The following NLRP1 variants were observed in gnomAD, a reference collection of about 807,000 sequenced individuals.
NLRP1 encodes the protein NLR family pyrin domain containing 1, also known as NACHT, LRR and PYD domains-containing protein 1.
A neutral mutation model predicts 136.7 loss-of-function variants in NLRP1; 94 were observed. That is an observed-to-expected ratio of 0.69 (90% CI 0.58 to 0.82). The LOEUF is 0.82. Among genes scored for constraint, NLRP1 ranks in the 40% least tolerant of loss-of-function variants. The probability of loss-of-function intolerance (pLI) is 0.00; values close to 1 mark genes in which losing one functional copy is unlikely to be tolerated. For synonymous variants in NLRP1, 690 were observed against 725.1 expected (o/e 0.95, Z 0.78); for missense variants, 1,575 against 1,802.7 (o/e 0.87, Z 2.29).
At chr17:5,530,041 ACT>A (rs1490282313) in intron 12 of NLRP1, 5 of 456,992 alleles carry the variant, frequency 1.1e-5, no homozygotes, top group African/African-American at 1.0e-4. Flanking sequence ...GTCTGATGAC[ACT>A]GTTTCTTCTC....
intron 4 of NLRP1, among the ~76,000 whole-genome samples, chr17:5,556,478 A>C: frequency 6.6e-6 from 1 of 151,698 alleles, no homozygotes; most frequent in Non-Finnish European, 1.5e-5. Context: ...CAAAAAAAAA[A>C]AAAAATACCC....
chr17:5,533,413 G>A lies in NLRP1; in HGVS notation c.3053-29C>T, dbSNP rs771906666. 3 of 818,656 alleles carry A rather than the reference G, an allele frequency of 3.7e-6. No homozygotes were observed. In the South Asian group the frequency reaches 4.3e-5, roughly 12 times the overall value. 50.7% of individuals were successfully genotyped at this position (818,656 alleles called of 1,614,324 possible). ...CAGAAAAAAGAAAAATATCAGCCAG[G>A]CATGGTGGTGAGCATCTGCAGTCCC... is the stretch of plus-strand genomic sequence containing the variant. On this transcript the variant is annotated intron_variant, in intron 9 of 16. Coordinates refer to ENST00000572272, the MANE Select transcript of NLRP1 (RefSeq NM_033004.4).
chr17:5,525,782 G>A (rs186906815), intron 12 of NLRP1, among the ~76,000 whole-genome samples: 439 of 152,228 alleles, frequency 2.9e-3, no homozygotes, highest in Non-Finnish European at 4.4e-3. Context: ...TCCCCCTCCC[G>A]GTGTCACTGT....
At chr17:5,543,247 G>A (rs904001820) in intron 5 of NLRP1, among the ~76,000 whole-genome samples, 1 of 152,106 alleles carries the variant, frequency 6.6e-6, no homozygotes, top group Non-Finnish European at 1.5e-5. Flanking sequence ...GGCAAGTCAG[G>A]TGCAGCTGAA....
chr17:5,531,301 G>A (rs757450703), intron 11 of NLRP1, among the ~76,000 whole-genome samples: 4 of 152,006 alleles, frequency 2.6e-5, no homozygotes, highest in Non-Finnish European at 4.4e-5. Context: ...CTGCAGCCTC[G>A]AAATCCCTGG....
intron 15 of NLRP1, chr17:5,505,071 A>G (rs8067918): frequency 0.29 from 43,479 of 152,042 alleles, 6,720 homozygotes; most frequent in African/African-American, 0.41. Context: ...TCTAATTTAT[A>G]TGCGTGCCCT....
At chr17:5,578,168 C>T (rs9674968) in intron 3 of NLRP1, among the ~76,000 whole-genome samples, 2,541 of 151,900 alleles carry the variant, frequency 0.017, 58 homozygotes, top group African/African-American at 0.059. Flanking sequence ...TAGAAGAAAA[C>T]CTAGGCAATA....
In NLRP1 at chr17:5,502,292, T is replaced by C. The variant is rs11871370; in HGVS notation, c.4070-420A>G. The C allele has an allele frequency of 2.8e-3, 112 of 39,732 alleles. No individual in the cohort carries two copies. In the East Asian group the frequency reaches 0.04, roughly 14 times the overall value. The allele number at this position is 39,732 out of a possible 1,614,324, so 2.5% of individuals were successfully genotyped here. A position where few individuals can be genotyped will look rare whatever the true frequency, so the allele number is the denominator to read the frequency against. ...TGAGAATGTAAAATGGTGCAGTTCC[T>C]TTTTTTTTTTTTTTTGAGACGGGGT... On this transcript the variant is annotated intron_variant, in intron 15 of 15. Coordinates refer to the NLRP1 transcript ENST00000262467.
rs1432663187 is a variant in NLRP1 at position 5,561,530 on chromosome 17, G to A, written c.653-1487C>T. Reference sequence around the variant, plus strand: ...GCAATCTCAGCTCACTGCAAGCTCCGCTTCCCGGGTTCACGCCATTCTCCT... The same window carrying A: ...GCAATCTCAGCTCACTGCAAGCTCCACTTCCCGGGTTCACGCCATTCTCCT... On this transcript the variant is annotated intron_variant, in intron 3 of 16. Transcript: ENST00000572272. Among the ~76,000 whole-genome samples, 2 of 46,548 alleles carry A rather than the reference G, an allele frequency of 4.3e-5. 1 individual carries two copies. Among genetic ancestry groups the A allele is most frequent in the Non-Finnish European group, 9.6e-5 (2 of 20,884 alleles). 30.5% of individuals were successfully genotyped at this position (46,548 alleles called of 152,430 possible). A position where few individuals can be genotyped will look rare whatever the true frequency, so the allele number is the denominator to read the frequency against.
intron 11 of NLRP1, among the ~76,000 whole-genome samples, chr17:5,531,966 G>C (rs1283111637): frequency 6.6e-6 from 1 of 152,214 alleles, no homozygotes; most frequent in Non-Finnish European, 1.5e-5. Context: ...CAACTGGCCA[G>C]GCGCGGTGGC....
chr17:5,566,883 T>G (rs1397225318), intron 3 of NLRP1, among the ~76,000 whole-genome samples: 9 of 152,140 alleles, frequency 5.9e-5, no homozygotes, highest in Admixed American at 5.9e-4. Context: ...TTATATCCTC[T>G]TGCTGAATTG....
downstream of NLRP1, among the ~76,000 whole-genome samples, chr17:5,511,866 TTC>T (rs1239168676): frequency 6.6e-6 from 1 of 150,486 alleles, no homozygotes; most frequent in African/African-American, 2.5e-5. Flanking sequence ...TCCTTTTTCT[TTC>T]TCTCTCTTCT....
chr17:5,578,048 GT>G (rs1308786184), intron 3 of NLRP1, among the ~76,000 whole-genome samples: 3 of 152,220 alleles, frequency 2.0e-5, no homozygotes, highest in Admixed American at 6.5e-5. Flanking sequence ...GGGAAAACTG[GT>G]TAGCCATATG....
intron 6 of NLRP1, 30 bp from the exon 7 acceptor site, chr17:5,539,615 C>A: frequency 6.4e-7 from 1 of 1,574,162 alleles, no homozygotes; most frequent in South Asian, 1.2e-5. Context: ...CAGCCCAGGT[C>A]ATTGTCCTAA....
chr17:5,527,102 C>T (rs11654563), intron 12 of NLRP1, among the ~76,000 whole-genome samples: 8,958 of 152,308 alleles, frequency 0.059, 312 homozygotes, highest in Middle Eastern at 0.099. Context: ...TGGCTGGTCA[C>T]AGCTAGCTAA....
chr17:5,547,283 CAT>C lies in NLRP1; in HGVS notation c.2529-5258_2529-5257del, dbSNP rs1369885436. 1.2e-4 allele frequency among the ~76,000 whole-genome samples: 19 copies of C among 152,254 alleles called. No homozygotes were observed. In the East Asian group the frequency reaches 3.7e-3, roughly 29 times the overall value. ...TACATAACCCTAAATACATAGCACA[CAT>C]GACCCTAAGTACATAGCATACATGA... On this transcript the variant is annotated intron_variant, in intron 5 of 16. Transcript: ENST00000572272.
intron 5 of NLRP1, among the ~76,000 whole-genome samples, chr17:5,546,714 A>C (rs1295409529): frequency 1.3e-5 from 2 of 152,204 alleles, no homozygotes; most frequent in Non-Finnish European, 2.9e-5. Context: ...AAATACATAC[A>C]AAGAAAGAAT....
intron 3 of NLRP1, among the ~76,000 whole-genome samples, chr17:5,581,627 G>A (rs912407484): frequency 2.6e-5 from 4 of 152,114 alleles, no homozygotes; most frequent in Non-Finnish European, 4.4e-5. Flanking sequence ...TCCTTGCTCT[G>A]TTGTCCCCCA....
At chr17:5,580,225 ACT>A in intron 3 of NLRP1, among the ~76,000 whole-genome samples, 1 of 152,270 alleles carries the variant, frequency 6.6e-6, no homozygotes, top group African/African-American at 2.4e-5. Context: ...ACCGAGCAAG[ACT>A]CTGTCTCAAA....
Sources: gnomAD v4.1 joint callset for allele counts (sites outside exome capture counted in the v4.1 genomes callset) on GRCh38, gnomAD v4.1.1 for gene constraint, MANE v1.5 for transcripts, NCBI Gene and HGNC (gene_info 2026-07-23, HGNC 2026-07-21) for gene names.